Variants in NETO2 observed in about 807,000 individuals in gnomAD.
NETO2 encodes the protein neuropilin and tolloid like 2, also known as neuropilin and tolloid-like protein 2.
In NETO2, 28 loss-of-function variants were observed where a neutral mutation model predicts 62.5. That is an observed-to-expected ratio of 0.45 (90% CI 0.33 to 0.61). The LOEUF is 0.61. NETO2 is among the 20% of genes least tolerant of loss of function. NETO2 has a pLI of 0.02. For synonymous variants in NETO2, 214 were observed against 219.1 expected (o/e 0.98, Z 0.21); for missense variants, 548 against 643.2 (o/e 0.85, Z 1.60).
chr16:47,138,458 T>G (rs1964401221), intron 1 of NETO2, among the ~76,000 whole-genome samples: 2 of 152,178 alleles, frequency 1.3e-5, no homozygotes, highest in Admixed American at 1.3e-4. Flanking sequence ...AATAAAAGTT[T>G]AAACAACAAA....
chr16:47,093,420 G>A (rs571952048), intron 7 of NETO2, among the ~76,000 whole-genome samples: 51 of 152,162 alleles, frequency 3.4e-4, no homozygotes, highest in Admixed American at 6.5e-4. Flanking sequence ...TATTTAACAG[G>A]AGAACCCTTT....
At position 47,128,445 on chromosome 16, in the gene NETO2, A is replaced by G; in HGVS notation, c.361T>C (p.Tyr121His). The stretch of plus-strand genomic sequence containing the variant: ...AATGGAGGGCTTTTCACGCCACAGT[A>G]ACGATCTATAAGAGGAGAGAAACCA... ...PFGFSPLIDRYCGVKSPPLIR... is the reference protein window; with the variant it reads ...PFGFSPLIDRHCGVKSPPLIR... Residue 121 changes from tyrosine (Y) to histidine (H), a missense_variant, in exon 4 of 9, where the codon TAC becomes CAC. Transcript: ENST00000562435. 6.2e-7 allele frequency: 1 copy of G among 1,614,142 alleles called. No individual in the cohort carries two copies. The highest frequency in any genetic ancestry group is 8.5e-7 in the Non-Finnish European group (1 of 1,180,000).
At chr16:47,105,040 A>C (rs1165781857) in intron 7 of NETO2, among the ~76,000 whole-genome samples, 1 of 143,372 alleles carries the variant, frequency 7.0e-6, no homozygotes, top group Admixed American at 7.0e-5. Context: ...TCTTTTTTTT[A>C]CTTTTTTAAA....
intron 7 of NETO2, among the ~76,000 whole-genome samples, chr16:47,090,523 C>T (rs1963290677): frequency 6.6e-6 from 1 of 152,118 alleles, no homozygotes; most frequent in Non-Finnish European, 1.5e-5. Flanking sequence ...CCTGAGAACT[C>T]TCTACCTATT....
At position 47,143,637 on chromosome 16, in the gene NETO2, C is replaced by T; in HGVS notation, c.-25G>A. 3 of 1,220,412 alleles carry T rather than the reference C, an allele frequency of 2.5e-6. No individual in the cohort carries two copies. Among genetic ancestry groups the T allele is most frequent in the South Asian group, 4.1e-5 (1 of 24,238 alleles). 75.6% of individuals were successfully genotyped at this position (1,220,412 alleles called of 1,614,324 possible). On this transcript the variant is annotated 5_prime_UTR_variant, in exon 1 of 9. Coordinates refer to ENST00000562435, the MANE Select transcript of NETO2 (RefSeq NM_018092.5). ...TGTTCCCGAGCTGCCCGGCGCTTCGCGAAGGGCTGAGGTAGCGGCGGCGGT... is the reference window on the plus strand; with the variant it reads ...TGTTCCCGAGCTGCCCGGCGCTTCGTGAAGGGCTGAGGTAGCGGCGGCGGT...
At chr16:47,098,222 AC>A in intron 7 of NETO2, among the ~76,000 whole-genome samples, 1 of 152,246 alleles carries the variant, frequency 6.6e-6, no homozygotes, top group South Asian at 2.1e-4. Context: ...GTAATAACAA[AC>A]TTCTCCGAGC....
At position 47,083,743 on chromosome 16, in the gene NETO2, G is replaced by A. The variant is rs2231982; in HGVS notation, c.1056C>T (p.Gly352=). The part of the protein sequence containing the change: ...QITKTHGTII[G]ITSGIVLVLL... ...GGACCAAGACAATCCCTGAAGTAATGCCAATAATTGTTCCATGAGTCTTAG... is the reference window on the plus strand; with the variant it reads ...GGACCAAGACAATCCCTGAAGTAATACCAATAATTGTTCCATGAGTCTTAG... The change falls in exon 9 of 9, where the codon GGC becomes GGT. Residue 352 remains glycine (G), a synonymous_variant. Transcript: ENST00000562435. The A allele has an allele frequency of 0.015, 24,035 of 1,612,786 alleles. 222 individuals carry two copies. Among genetic ancestry groups the A allele is most frequent in the South Asian group, 0.019 (1,723 of 91,022 alleles).
intron 6 of NETO2, among the ~76,000 whole-genome samples, chr16:47,115,725 A>ATATATATATATATG (rs1963903731): frequency 1.4e-5 from 2 of 140,416 alleles, no homozygotes; most frequent in African/African-American, 5.8e-5. Context: ...ATATATATAT[A>ATATATATATATATG]TATATACATG....
At position 47,080,318 on chromosome 16, in the gene NETO2, G is replaced by A. The variant is rs995801971; in HGVS notation, c.*2903C>T. ...TACTTAATGCTGTTTCTGAATTGAAGATATTTATCCCTTCCAGATTTGCAT... is the reference window on the plus strand; with the variant it reads ...TACTTAATGCTGTTTCTGAATTGAAAATATTTATCCCTTCCAGATTTGCAT... On this transcript the variant is annotated 3_prime_UTR_variant, in exon 9 of 9. Transcript: ENST00000562435. 1 of 152,200 alleles carries A rather than the reference G, an allele frequency of 6.6e-6. No individual in the cohort carries two copies. Among genetic ancestry groups the A allele is most frequent in the African/African-American group, 2.4e-5 (1 of 41,474 alleles). 9.4% of individuals were successfully genotyped at this position (152,200 alleles called of 1,614,324 possible). A position where few individuals can be genotyped will look rare whatever the true frequency, so the allele number is the denominator to read the frequency against.
At position 47,109,545 on chromosome 16, in the gene NETO2, A is replaced by G. The variant is rs1384013687; in HGVS notation, c.821T>C (p.Met274Thr). Residue 274 changes from methionine to threonine, a missense_variant, in exon 7 of 9, where the codon ATG becomes ACG. Coordinates refer to ENST00000562435, the MANE Select transcript of NETO2 (RefSeq NM_018092.5). ...MLKTGIGVIR[M>T]WADEGSRLSR... ...AAGCCGACTACCTTCATCTGCCCACATTCGAATCACTCCAATTCCTGTTTT... is the reference window on the plus strand; with the variant it reads ...AAGCCGACTACCTTCATCTGCCCACGTTCGAATCACTCCAATTCCTGTTTT... 6.2e-7 allele frequency: 1 copy of G among 1,614,140 alleles called. No individual in the cohort carries two copies. The highest frequency in any genetic ancestry group is 8.5e-7 in the Non-Finnish European group (1 of 1,180,002).
intron 7 of NETO2, among the ~76,000 whole-genome samples, chr16:47,087,608 A>G (rs1190333564): frequency 1.3e-5 from 2 of 152,176 alleles, no homozygotes; most frequent in East Asian, 1.9e-4. Context: ...TTTGTTATGT[A>G]TATTTTACCC....
chr16:47,091,586 C>A (rs775043732), intron 7 of NETO2, among the ~76,000 whole-genome samples: 3 of 152,224 alleles, frequency 2.0e-5, no homozygotes, highest in Non-Finnish European at 4.4e-5. Context: ...CCTGAGGGTG[C>A]TACCTTTGAA....
chr16:47,119,242 C>G (rs1963988899), intron 6 of NETO2, among the ~76,000 whole-genome samples: 1 of 151,492 alleles, frequency 6.6e-6, no homozygotes, highest in Admixed American at 6.6e-5. Context: ...AGCTCCGCCT[C>G]CTGGGTTCAC....
intron 4 of NETO2, among the ~76,000 whole-genome samples, chr16:47,125,984 T>TC (rs1964150079): frequency 6.6e-6 from 1 of 152,310 alleles, no homozygotes; most frequent in East Asian, 1.9e-4. Context: ...AAACATTAAC[T>TC]CCCCTTCCCC....
chr16:47,133,666 A>T (rs1183710834), intron 1 of NETO2, among the ~76,000 whole-genome samples: 1 of 147,270 alleles, frequency 6.8e-6, no homozygotes, highest in Non-Finnish European at 1.5e-5. Context: ...TAAAATAAAA[A>T]CATGGAGGCA....
At chr16:47,091,261 T>C (rs974363386) in intron 7 of NETO2, among the ~76,000 whole-genome samples, 65 of 152,246 alleles carry the variant, frequency 4.3e-4, no homozygotes, top group African/African-American at 1.5e-3. Context: ...CCTTACAATT[T>C]AAACTTATTC....
intron 4 of NETO2, among the ~76,000 whole-genome samples, chr16:47,125,521 T>C (rs1964138827): frequency 6.6e-6 from 1 of 152,088 alleles, no homozygotes; most frequent in Admixed American, 6.6e-5. Flanking sequence ...AACTGTCGTA[T>C]TTTTAGTAGA....
intron 1 of NETO2, among the ~76,000 whole-genome samples, chr16:47,143,174 T>C (rs990392357): frequency 6.6e-6 from 1 of 152,130 alleles, no homozygotes; most frequent in Non-Finnish European, 1.5e-5. Context: ...AATTACTTTT[T>C]GCCATCACAT....
intron 7 of NETO2, among the ~76,000 whole-genome samples, 195 bp from the exon 8 acceptor site, chr16:47,086,534 G>C (rs932948912): frequency 2.0e-5 from 3 of 152,062 alleles, no homozygotes; most frequent in African/African-American, 7.2e-5. Context: ...TCTTATGCTA[G>C]GCCCCAAAAG....
Sources: allele counts gnomAD v4.1 joint callset (sites outside exome capture counted in the v4.1 genomes callset), GRCh38; gene constraint gnomAD v4.1.1; transcripts MANE v1.5; gene names NCBI Gene and HGNC (gene_info 2026-07-23, HGNC 2026-07-21).